RFC5: variants seen among roughly 807,000 people sequenced by gnomAD.
RFC5 encodes the protein A1 36 kDa subunit.
Under a neutral mutation model 44.3 loss-of-function variants are expected in RFC5, and 26 were observed. That is an observed-to-expected ratio of 0.59 (90% CI 0.43 to 0.81). The LOEUF (loss-of-function observed/expected upper bound fraction) is 0.81. Among genes scored for constraint, RFC5 ranks in the 40% least tolerant of loss-of-function variants. RFC5 has a pLI of 0.00. For synonymous variants in RFC5, 155 were observed against 155.2 expected (o/e 1.00, Z 0.01); for missense variants, 328 against 418.6 (o/e 0.78, Z 1.89).
In RFC5 at chr12:118,019,716, C is replaced by T. The variant is rs746684834; in HGVS notation, c.215C>T (p.Ala72Val). Reference protein sequence around the residue: ...PGTGKTSTILACAKQLYKDKE... With the variant: ...PGTGKTSTILVCAKQLYKDKE... ...ACAGGCAAGACATCTACCATCCTAGCCTGTGCGAAACAGCTATATAAAGAC... is the reference window on the plus strand; with the variant it reads ...ACAGGCAAGACATCTACCATCCTAGTCTGTGCGAAACAGCTATATAAAGAC... Residue 72 changes from alanine (A) to valine (V), a missense_variant, in exon 3 of 11, where the codon GCC becomes GTC. By Grantham distance (64) the Ala-to-Val change is moderately conservative. Transcript: ENST00000454402. This position sits in a 1 kb window ranked among gnomAD's most constrained non-coding sequence, Gnocchi z 4.2. 1 of 1,613,968 alleles carries T rather than the reference C, an allele frequency of 6.2e-7. No individual in the cohort carries two copies. The highest frequency in any genetic ancestry group is 8.5e-7 in the Non-Finnish European group (1 of 1,179,892).
intron 9 of RFC5, among the ~76,000 whole-genome samples, chr12:118,029,524 C>T (rs552707534): frequency 2.0e-5 from 3 of 152,308 alleles, no homozygotes; most frequent in East Asian, 3.9e-4. Flanking sequence ...ATCTTTGGTG[C>T]TCTTAGGATC....
chr12:118,035,558 T>C (rs2031492920), downstream of RFC5: 1 of 494,712 alleles, frequency 2.0e-6, no homozygotes, highest in African/African-American at 1.9e-5. Context: ...CTAATTTGCT[T>C]ATGCAAAGTA....
chr12:118,020,871 T>G, intron 3 of RFC5, 35 bp from the exon 4 acceptor site: 2 of 1,405,344 alleles, frequency 1.4e-6, no homozygotes, highest in Non-Finnish European at 2.0e-6. Context: ...CACAGCAACA[T>G]GGTTTTTGTT....
intron 7 of RFC5, among the ~76,000 whole-genome samples, chr12:118,026,429 T>G (rs1372150375): frequency 6.6e-6 from 1 of 152,018 alleles, no homozygotes. Flanking sequence ...ATAGTGAGAC[T>G]CTGTCTCCAC....
At chr12:118,036,047 C>A, downstream of RFC5, 1 of 204,646 alleles carries the variant, frequency 4.9e-6, no homozygotes, top group Non-Finnish European at 9.9e-6. Flanking sequence ...AATAAAAATA[C>A]AAAAATTAGC....
downstream of RFC5, chr12:118,037,889 TCAA>T (rs2031549517): frequency 6.3e-6 from 1 of 158,678 alleles, no homozygotes; most frequent in Non-Finnish European, 1.4e-5. Flanking sequence ...AGGACAAAGT[TCAA>T]CAAGTAACTG....
At chr12:118,027,517 C>G (rs59169180) in intron 8 of RFC5, 4,581 of 159,756 alleles carry the variant, frequency 0.029, 245 homozygotes, top group African/African-American at 0.11. Context: ...ACTAAAAATA[C>G]AAAAATTAGC....
chr12:118,022,152 G>T, intron 4 of RFC5, 134 bp from the exon 5 acceptor site: 1 of 691,216 alleles, frequency 1.4e-6, no homozygotes, highest in South Asian at 1.7e-5. Flanking sequence ...AAAGATGTCT[G>T]CCTTGGCCAA....
chr12:118,021,813 T>C (rs1307564389), intron 4 of RFC5, among the ~76,000 whole-genome samples: 4 of 151,736 alleles, frequency 2.6e-5, no homozygotes, highest in Non-Finnish European at 5.9e-5. Flanking sequence ...AAAAATTATC[T>C]GGGCATGGTG....
chr12:118,028,095 G>C, intron 9 of RFC5, 65 bp downstream of exon 9: 1 of 958,278 alleles, frequency 1.0e-6, no homozygotes, highest in Non-Finnish European at 1.7e-6. Context: ...GGTTAAGGAT[G>C]GTTAGGACAG....
At position 118,027,950 on chromosome 12, in the gene RFC5, T is replaced by C; in HGVS notation, c.794-3T>C. On this transcript the variant is annotated splice_region_variant and splice_polypyrimidine_tract_variant and intron_variant, in intron 8 of 10. Coordinates refer to ENST00000454402, the MANE Select transcript of RFC5 (RefSeq NM_007370.7). Reference sequence around the variant, plus strand: ...GTTCCCTTTGCCTTAACTGCTCCTCTAGATATTACAGAGTTGAAAACTCTG... The same window carrying C: ...GTTCCCTTTGCCTTAACTGCTCCTCCAGATATTACAGAGTTGAAAACTCTG... 1 of 1,592,990 alleles carries C rather than the reference T, an allele frequency of 6.3e-7. No individual in the cohort carries two copies. The highest frequency in any genetic ancestry group is 1.7e-4 in the Middle Eastern group (1 of 6,046).
intron 1 of RFC5, among the ~76,000 whole-genome samples, chr12:118,017,441 A>G (rs908734607): frequency 1.1e-4 from 17 of 152,298 alleles, no homozygotes; most frequent in African/African-American, 3.9e-4. Flanking sequence ...CTATGGTCCA[A>G]GGGAGAAAAT....
At chr12:118,027,830 G>A in intron 8 of RFC5, 123 bp from the exon 9 acceptor site, 2 of 640,808 alleles carry the variant, frequency 3.1e-6, no homozygotes, top group South Asian at 3.8e-5. Context: ...AGTTGAAAGA[G>A]AAACAGTTGT....
At chr12:118,037,532 G>T (rs189989971), downstream of RFC5, among the ~76,000 whole-genome samples, 3 of 152,040 alleles carry the variant, frequency 2.0e-5, no homozygotes, top group Admixed American at 6.6e-5. Flanking sequence ...GCCAGGCGTG[G>T]TGTAGCACGC....
chr12:118,038,413 T>C, the RFC5 span: 2 of 1,608,760 alleles, frequency 1.2e-6, no homozygotes, highest in South Asian at 1.1e-5. Flanking sequence ...AAGCAAACAA[T>C]GAGCCAGTCC....
intron 4 of RFC5, among the ~76,000 whole-genome samples, chr12:118,021,424 G>A (rs1237224271): frequency 1.3e-5 from 2 of 151,852 alleles, no homozygotes; most frequent in African/African-American, 4.8e-5. Context: ...TGTTGCCTAG[G>A]CTGGTCTCGA....
rs772669120 is a variant in RFC5, at chr12:118,019,081, A to C, written c.75A>C (p.Lys25Asn). The C allele has an allele frequency of 1.9e-6, 3 of 1,610,104 alleles. No homozygotes were observed. Among genetic ancestry groups the C allele is most frequent in the Non-Finnish European group, 2.6e-6 (3 of 1,176,382 alleles). The part of the protein sequence containing the change: ...TKIRNLPWVE[K>N]YRPQTLNDLI... ...CTAAATTGTATTTCAGGGTTGAAAAATACCGGCCACAGACCCTGAATGATC... is the reference window on the plus strand; with the variant it reads ...CTAAATTGTATTTCAGGGTTGAAAACTACCGGCCACAGACCCTGAATGATC... Residue 25 changes from lysine (K) to asparagine (N), a missense_variant, in exon 2 of 11, where the codon AAA (lysine) becomes AAC (asparagine). Transcript: ENST00000454402. The surrounding 1 kb of genome is among the most constrained non-coding windows in gnomAD (Gnocchi z 4.2).
In RFC5 at chr12:118,027,991, C is replaced by A. The variant is rs1308470133; in HGVS notation, c.832C>A (p.His278Asn). Reference sequence around the variant, plus strand: ...GAAAACTCTGAAGGGGTTGGCACTGCATGATATCCTGACAGAGATACACTT... The same window carrying A: ...GAAAACTCTGAAGGGGTTGGCACTGAATGATATCCTGACAGAGATACACTT... ...ELKTLKGLAL[H>N]DILTEIHLFV... is the part of the protein sequence containing the mutation. Residue 278 changes from histidine (H) to asparagine (N), a missense_variant, in exon 9 of 11, where the codon CAT becomes AAT. Physicochemically the swap from His to Asn is moderately conservative, Grantham distance 68 (BLOSUM62 1). Coordinates refer to ENST00000454402, the MANE Select transcript of RFC5 (RefSeq NM_007370.7). 3 of 1,610,628 alleles carry A rather than the reference C, an allele frequency of 1.9e-6. No individual in the cohort carries two copies. In the South Asian group the frequency reaches 3.3e-5, roughly 18 times the overall value.
downstream of RFC5, chr12:118,037,841 T>G (rs2031548901): frequency 6.4e-6 from 1 of 155,534 alleles, no homozygotes; most frequent in African/African-American, 2.4e-5. Flanking sequence ...GTTCTTGGAT[T>G]TCTAATACCT....
Sources: gnomAD v4.1 joint callset for allele counts (sites outside exome capture counted in the v4.1 genomes callset) on GRCh38, gnomAD v4.1.1 for gene constraint, Gnocchi (gnomAD v3.1) non-coding constraint, MANE v1.5 for transcripts, NCBI Gene and HGNC (gene_info 2026-07-23, HGNC 2026-07-21) for gene names.